Variants in TAF8 observed in about 807,000 individuals in gnomAD.
TAF8 encodes TATA-box binding protein associated factor 8.
TAF8 carries 47 observed loss-of-function variants against 36.5 expected under a neutral mutation model. The observed-to-expected ratio is 1.29, with a 90% confidence interval of 1.02 to 1.64. The LOEUF (loss-of-function observed/expected upper bound fraction) is 1.64. TAF8 is among the 40% of genes most tolerant of loss of function. The pLI, the probability that TAF8 is intolerant of heterozygous loss-of-function variation, is 0.00. For synonymous variants in TAF8, 175 were observed against 159.5 expected (o/e 1.10, Z -0.73); for missense variants, 420 against 407.6 (o/e 1.03, Z -0.26).
At position 42,077,083 on chromosome 6, in the gene TAF8, T is replaced by G; in HGVS notation, c.781-17T>G. The G allele has an allele frequency of 6.2e-7, 1 of 1,605,822 alleles. No individual in the cohort carries two copies. Among genetic ancestry groups the G allele is most frequent in the South Asian group, 1.1e-5 (1 of 90,472 alleles). ...TATGCTGTTGATGTTGTGCTTTATT[T>G]TGGCTTTTGCTCAAAGGAGGATTCT... On this transcript the variant is annotated splice_polypyrimidine_tract_variant and intron_variant, in intron 7 of 8. Coordinates refer to ENST00000372977, the MANE Select transcript of TAF8 (RefSeq NM_138572.3).
chr6:42,055,826 G>A, intron 3 of TAF8, 126 bp from the exon 4 acceptor site: 3 of 780,042 alleles, frequency 3.8e-6, no homozygotes, highest in Non-Finnish European at 6.6e-6. Context: ...TTCTGCCAGA[G>A]CTTCTTTTGC....
intron 2 of TAF8, 92 bp downstream of exon 2, chr6:42,051,605 A>T (rs1016091320): frequency 1.9e-5 from 28 of 1,460,500 alleles, no homozygotes; most frequent in Non-Finnish European, 2.6e-5. Flanking sequence ...TTTAAGAAAC[A>T]AACTTTTTTC....
intron 6 of TAF8, 82 bp from the exon 7 acceptor site, chr6:42,068,383 A>T: frequency 6.6e-7 from 1 of 1,509,674 alleles, no homozygotes; most frequent in Admixed American, 1.7e-5. Flanking sequence ...CTGCTCACTG[A>T]TTTGTTGTGA....
intron 2 of TAF8, among the ~76,000 whole-genome samples, chr6:42,052,326 C>G (rs943011493): frequency 6.6e-6 from 1 of 151,136 alleles, no homozygotes; most frequent in South Asian, 2.1e-4. Context: ...AGCCCCCCCC[C>G]CCTTTTTTTT....
At position 42,081,048 on chromosome 6, in the gene TAF8, TAG is replaced by T. The variant is rs199855547; in HGVS notation, c.*3508_*3509del. 1 of 849,712 alleles carries T rather than the reference TAG, an allele frequency of 1.2e-6. No homozygotes were observed. The highest frequency in any genetic ancestry group is 1.2e-4 in the East Asian group (1 of 8,152). The allele number at this position is 849,712 out of a possible 1,614,324, so 52.6% of individuals were successfully genotyped here. A position where few individuals can be genotyped will look rare whatever the true frequency, so the allele number is the denominator to read the frequency against. Reference sequence around the variant, plus strand: ...TTTTGGAAATTTTCAAATACAAAATTAGAGAGCAAAATATATGAACCCCTGTA... The same window carrying T: ...TTTTGGAAATTTTCAAATACAAAATTAGAGCAAAATATATGAACCCCTGTA... On this transcript the variant is annotated 3_prime_UTR_variant, in exon 9 of 9. Transcript: ENST00000372977.
At chr6:42,068,381 T>C (rs1765439943) in intron 6 of TAF8, 84 bp from the exon 7 acceptor site, 1 of 1,490,400 alleles carries the variant, frequency 6.7e-7, no homozygotes, top group Non-Finnish European at 9.3e-7. Context: ...TGCTGCTCAC[T>C]GATTTGTTGT....
Position 42,051,363 on chromosome 6 carries a change from G to C in TAF8, c.52G>C (p.Gly18Arg), listed in dbSNP as rs531214257. 6.2e-7 allele frequency: 1 copy of C among 1,612,914 alleles called. No homozygotes were observed. Residue 18 changes from glycine to arginine, a missense_variant, in exon 2 of 9, where the codon GGA becomes CGA. Coordinates refer to ENST00000372977, the MANE Select transcript of TAF8 (RefSeq NM_138572.3). ...TCTCTCTGCTGATTCACAGAGATCG[G>C]GAAGTAAACAGTCCACTAACCCTGC... ...AGAGGSGTRS[G>R]SKQSTNPADN...
At chr6:42,086,307 A>C (rs1019113474), downstream of TAF8, among the ~76,000 whole-genome samples, 2 of 152,222 alleles carry the variant, frequency 1.3e-5, no homozygotes, top group Non-Finnish European at 2.9e-5. Flanking sequence ...GATAAGTGAA[A>C]AGTGCTTTTT....
chr6:42,050,629 T>G (rs1582206568), intron 1 of TAF8, 43 bp downstream of exon 1: 3 of 1,527,180 alleles, frequency 2.0e-6, no homozygotes, highest in Non-Finnish European at 2.6e-6. Flanking sequence ...AGAGTTTGGG[T>G]ATCCTGCAAC....
chr6:42,066,488 G>A (rs201167542), intron 6 of TAF8, 29 bp downstream of exon 6: 1 of 1,611,958 alleles, frequency 6.2e-7, no homozygotes, highest in African/African-American at 1.3e-5. Flanking sequence ...TGTGGACCCT[G>A]TCTTATTTGA....
intron 5 of TAF8, among the ~76,000 whole-genome samples, chr6:42,063,917 G>C (rs184151948): frequency 6.6e-6 from 1 of 152,156 alleles, no homozygotes; most frequent in Non-Finnish European, 1.5e-5. Context: ...TACCATGCCA[G>C]CCTAGAAATC....
chr6:42,083,920 G>A (rs978708574), downstream of TAF8, among the ~76,000 whole-genome samples: 3 of 152,050 alleles, frequency 2.0e-5, no homozygotes, highest in Admixed American at 6.5e-5. Context: ...GGTGGCTCAC[G>A]CCTGTAATCC....
At chr6:42,055,678 T>TC (rs1377813990) in intron 3 of TAF8, 49 bp downstream of exon 3, 1 of 1,389,122 alleles carries the variant, frequency 7.2e-7, no homozygotes. Flanking sequence ...GGGAGAGGAG[T>TC]CCCTAGGAAT....
chr6:42,070,529 T>G (rs777264062), intron 7 of TAF8, among the ~76,000 whole-genome samples: 23 of 152,076 alleles, frequency 1.5e-4, no homozygotes, highest in Non-Finnish European at 2.2e-4. Flanking sequence ...TTAACCTCAC[T>G]AGCCACATTC....
intron 5 of TAF8, among the ~76,000 whole-genome samples, chr6:42,065,715 C>T (rs1009791657): frequency 1.3e-5 from 2 of 152,082 alleles, no homozygotes; most frequent in Admixed American, 1.3e-4. Flanking sequence ...CTCTTAGACC[C>T]GAGACCATCT....
chr6:42,087,020 C>T (rs41271271), downstream of TAF8: 35,797 of 548,286 alleles, frequency 0.065, 1,336 homozygotes, highest in Middle Eastern at 0.11. Flanking sequence ...TACTCTCCCT[C>T]CTCTCAGAGC....
downstream of TAF8, among the ~76,000 whole-genome samples, chr6:42,086,454 C>G (rs1393811603): frequency 1.3e-5 from 2 of 152,212 alleles, no homozygotes; most frequent in African/African-American, 4.8e-5. Context: ...ATGTGGCTTT[C>G]TCTCCTGTGC....
downstream of TAF8, chr6:42,086,818 GAC>G: frequency 6.9e-7 from 1 of 1,442,836 alleles, no homozygotes; most frequent in Non-Finnish European, 9.5e-7. Flanking sequence ...GGTCAAGAAA[GAC>G]ACACACGGAA....
rs2127466955 is a variant in TAF8 at position 42,080,893 on chromosome 6, T to C, written c.*3348T>C. Reference sequence around the variant, plus strand: ...CTCAATAAAAATTCATAATAAAAACTTTGTAAATAAATAGAACTGTAAGCT... The same window carrying C: ...CTCAATAAAAATTCATAATAAAAACCTTGTAAATAAATAGAACTGTAAGCT... On this transcript the variant is annotated 3_prime_UTR_variant, in exon 9 of 9. Coordinates refer to ENST00000372977, the MANE Select transcript of TAF8 (RefSeq NM_138572.3). The C allele has an allele frequency of 1.0e-6, 1 of 981,886 alleles. No homozygotes were observed. Among genetic ancestry groups the C allele is most frequent in the Non-Finnish European group, 1.2e-6 (1 of 826,748 alleles). The allele number at this position is 981,886 out of a possible 1,614,324, so 60.8% of individuals were successfully genotyped here. A position where few individuals can be genotyped will look rare whatever the true frequency, so the allele number is the denominator to read the frequency against.
Sources: allele counts gnomAD v4.1 joint callset (sites outside exome capture counted in the v4.1 genomes callset), GRCh38; gene constraint gnomAD v4.1.1; transcripts MANE v1.5; gene names NCBI Gene and HGNC (gene_info 2026-07-23, HGNC 2026-07-21).